Variants in SMURF1 observed in about 807,000 individuals in gnomAD.
SMURF1 encodes the protein E3 ubiquitin-protein ligase SMURF1.
Under a neutral mutation model 98.0 loss-of-function variants are expected in SMURF1, and 44 were observed. The observed-to-expected ratio is 0.45, with a 90% CI of 0.35 to 0.58. SMURF1 has a LOEUF of 0.58. SMURF1 is among the 20% of genes least tolerant of loss of function. SMURF1 has a pLI of 0.00. For missense variants in SMURF1, 687 were observed against 938.4 expected (o/e 0.73, Z 3.50); for synonymous variants, 396 against 374.9 (o/e 1.06, Z -0.65).
rs191127039 is a variant in SMURF1, at chr7:99,122,442, A to G, written c.55+21284T>C. ...GTGGATCACCCAAGGTCAGGAGTTC[A>G]AGACCAGCCTGGCCAACATGATGAA... On this transcript the variant is annotated intron_variant, in intron 1 of 17. Transcript: ENST00000361368. Among the ~76,000 whole-genome samples, 758 of 151,854 alleles carry G rather than the reference A, an allele frequency of 5.0e-3. 3 individuals are homozygous for G. Among genetic ancestry groups the G allele is most frequent in the African/African-American group, 0.017 (700 of 41,436 alleles).
At chr7:99,071,401 T>A (rs546121901) in intron 1 of SMURF1, among the ~76,000 whole-genome samples, 2 of 152,300 alleles carry the variant, frequency 1.3e-5, no homozygotes, top group Admixed American at 6.5e-5. Context: ...AAAGCTCTCA[T>A]GAAGGAACCG....
chr7:99,139,896 G>T (rs977565742), intron 1 of SMURF1, among the ~76,000 whole-genome samples: 1 of 152,058 alleles, frequency 6.6e-6, no homozygotes, highest in Non-Finnish European at 1.5e-5. Flanking sequence ...CCCACATGAA[G>T]AAATAAAGTC....
chr7:99,097,935 A>C (rs1796991538), intron 1 of SMURF1, among the ~76,000 whole-genome samples: 1 of 152,246 alleles, frequency 6.6e-6, no homozygotes, highest in South Asian at 2.1e-4. Context: ...CAAGAAAATA[A>C]CTGCTAACCT....
chr7:99,092,087 T>C (rs1192472686), intron 1 of SMURF1, among the ~76,000 whole-genome samples: 2 of 152,184 alleles, frequency 1.3e-5, no homozygotes, highest in African/African-American at 2.4e-5. Context: ...CTTCCTACTT[T>C]TCAGGGTTAT....
chr7:99,042,321 C>T (rs1189257911), intron 11 of SMURF1, 89 bp from the exon 12 acceptor site: 3 of 860,376 alleles, frequency 3.5e-6, no homozygotes, highest in Non-Finnish European at 5.5e-6. Flanking sequence ...ACTCTGTCGC[C>T]CAGGCTGGAG....
intron 1 of SMURF1, among the ~76,000 whole-genome samples, chr7:99,085,846 A>G (rs1428546227): frequency 3.9e-5 from 6 of 152,224 alleles, no homozygotes; most frequent in Admixed American, 3.9e-4. Flanking sequence ...GGAATCATAT[A>G]GTATATATCC....
rs1274497148 is a variant in SMURF1, at chr7:99,131,431, T to C, written c.55+12295A>G. ...CAACCACCAAGACTACAAGGAACACTAAGGGACTTGGTAGGAAAGAATCAA... is the reference window on the plus strand; with the variant it reads ...CAACCACCAAGACTACAAGGAACACCAAGGGACTTGGTAGGAAAGAATCAA... On this transcript the variant is annotated intron_variant, in intron 1 of 17. Transcript: ENST00000361368. Among the ~76,000 whole-genome samples, 8 of 151,854 alleles carry C rather than the reference T, an allele frequency of 5.3e-5. No individual in the cohort carries two copies. The East Asian group carries it at 1.4e-3, about 26-fold the overall frequency.
At chr7:99,142,320 G>C (rs1314942362) in intron 1 of SMURF1, among the ~76,000 whole-genome samples, 1 of 152,112 alleles carries the variant, frequency 6.6e-6, no homozygotes, top group Non-Finnish European at 1.5e-5. Flanking sequence ...CGGCGCTCTG[G>C]GTTGCTGAGT....
intron 1 of SMURF1, among the ~76,000 whole-genome samples, chr7:99,124,655 A>G (rs976458565): frequency 6.6e-6 from 1 of 152,160 alleles, no homozygotes; most frequent in Non-Finnish European, 1.5e-5. Context: ...CAAAAAGGAA[A>G]AAAAAAAAAG....
At chr7:99,093,364 C>T (rs1233975956) in intron 1 of SMURF1, among the ~76,000 whole-genome samples, 1 of 152,190 alleles carries the variant, frequency 6.6e-6, no homozygotes, top group Non-Finnish European at 1.5e-5. Context: ...CTTTTCAAAG[C>T]CACTCTCCTA....
chr7:99,053,992 G>A (rs1037454286), intron 6 of SMURF1, among the ~76,000 whole-genome samples: 2 of 152,104 alleles, frequency 1.3e-5, no homozygotes, highest in South Asian at 2.1e-4. Context: ...GCGCAGTGGT[G>A]TGATCAGGGT....
rs750029098 is a variant in SMURF1, at chr7:99,035,660, C to T, written c.1866G>A (p.Arg622=). 1 of 1,614,212 alleles carries T rather than the reference C, an allele frequency of 6.2e-7. No individual in the cohort carries two copies. Among genetic ancestry groups the T allele is most frequent in the Non-Finnish European group, 8.5e-7 (1 of 1,180,024 alleles). Residue 622 remains arginine, a synonymous_variant, in exon 16 of 18, where the codon CGG becomes CGA. Coordinates refer to ENST00000361368, the MANE Select transcript of SMURF1 (RefSeq NM_181349.3). ...TGCTGTCGGCCACACAGTGCTTCAG[C>T]CGCGTGTTCGACTTCCAGTCGTTCA... The part of the protein sequence containing the change: ...IDLNDWKSNT[R]LKHCVADSNI...
chr7:99,067,996 T>C (rs1796237964), intron 1 of SMURF1, among the ~76,000 whole-genome samples: 1 of 152,172 alleles, frequency 6.6e-6, no homozygotes, highest in African/African-American at 2.4e-5. Context: ...ACTCCAACAA[T>C]GAACTACAGC....
intron 1 of SMURF1, among the ~76,000 whole-genome samples, chr7:99,100,056 G>A (rs1320960425): frequency 6.7e-6 from 1 of 150,294 alleles, no homozygotes; most frequent in East Asian, 1.9e-4. Flanking sequence ...TTTTTTGTGT[G>A]TGTTCATCTT....
chr7:99,061,738 T>A (rs1221050073), intron 2 of SMURF1, 61 bp downstream of exon 2: 1 of 1,376,574 alleles, frequency 7.3e-7, no homozygotes, highest in African/African-American at 1.5e-5. Context: ...TTTTTAAAGT[T>A]TAAAATTTCA....
At chr7:99,063,275 A>AAGATTT in intron 1 of SMURF1, among the ~76,000 whole-genome samples, 1 of 20,680 alleles carries the variant, frequency 4.8e-5, no homozygotes, top group Non-Finnish European at 1.1e-4. Flanking sequence ...ATATATATAT[A>AAGATTT]TATATATATA....
At chr7:99,035,277 G>T in intron 16 of SMURF1, 1 of 562,190 alleles carries the variant, frequency 1.8e-6, no homozygotes, top group Non-Finnish European at 3.2e-6. Context: ...TGAGGAGGGG[G>T]AATCCAGGTG....
intron 10 of SMURF1, among the ~76,000 whole-genome samples, chr7:99,046,472 A>G (rs956502251): frequency 2.6e-5 from 4 of 152,056 alleles, no homozygotes; most frequent in African/African-American, 7.2e-5. Context: ...CTCCGCCTGT[A>G]ATCCCAGTAC....
chr7:99,036,061 G>A (rs1191330833), intron 15 of SMURF1: 16 of 342,986 alleles, frequency 4.7e-5, no homozygotes, highest in South Asian at 2.6e-4. Flanking sequence ...ATAACGGCAC[G>A]TCCCAGGGTC....
Sources: allele counts gnomAD v4.1 joint callset (sites outside exome capture counted in the v4.1 genomes callset), GRCh38; gene constraint gnomAD v4.1.1; transcripts MANE v1.5; gene names NCBI Gene and HGNC (gene_info 2026-07-23, HGNC 2026-07-21).